PLCG2: variants seen among roughly 807,000 people sequenced by gnomAD.
PLCG2 encodes the protein phospholipase C gamma 2.
Under a neutral mutation model 175.6 loss-of-function variants are expected in PLCG2, and 69 were observed. That is an observed-to-expected ratio of 0.39 (90% CI 0.32 to 0.48). PLCG2 has a LOEUF of 0.48. Ranked by LOEUF, PLCG2 falls within the 20% of genes least tolerant of loss-of-function variation. The pLI is 0.91. For missense variants in PLCG2, 1,798 were observed against 1,650.9 expected, an observed-to-expected ratio of 1.09 and a Z score of -1.54; for synonymous variants, 827 against 624.0, an observed-to-expected ratio of 1.33 and a Z score of -4.85.
chr16:81,754,547 T>C (rs552009686), intron 1 of PLCG2, among the ~76,000 whole-genome samples: 1 of 144,268 alleles, frequency 6.9e-6, no homozygotes, highest in African/African-American at 2.6e-5. Flanking sequence ...AGCTGGGTGG[T>C]GATCCACTTG....
chr16:81,909,795 C>G (rs1909537470), intron 17 of PLCG2, among the ~76,000 whole-genome samples: 1 of 152,130 alleles, frequency 6.6e-6, no homozygotes, highest in Admixed American at 6.5e-5. Flanking sequence ...ATTCGAGACA[C>G]CTTGTGTGTG....
chr16:81,779,918 T>C lies in PLCG2; in HGVS notation c.-48+494T>C, dbSNP rs544746011. 2.0e-5 allele frequency among the ~76,000 whole-genome samples: 3 copies of C among 152,342 alleles called. No homozygotes were observed. The South Asian group carries it at 6.2e-4, about 32-fold the overall frequency. Reference sequence around the variant, plus strand: ...TCCTTCCCGGAGACTTTTGGAGAGCTTGCAGGACACTCGCGATGCCCGCTC... The same window carrying C: ...TCCTTCCCGGAGACTTTTGGAGAGCCTGCAGGACACTCGCGATGCCCGCTC... On this transcript the variant is annotated intron_variant, in intron 1 of 32. Transcript: ENST00000564138.
chr16:81,934,593 C>G (rs1312794355), intron 26 of PLCG2, 62 bp downstream of exon 26: 6 of 988,276 alleles, frequency 6.1e-6, no homozygotes, highest in African/African-American at 1.6e-5. Context: ...CCTTTAGAGT[C>G]TGATATTTTC....
At chr16:81,920,842 C>T (rs1013631652) in intron 20 of PLCG2, among the ~76,000 whole-genome samples, 2 of 152,132 alleles carry the variant, frequency 1.3e-5, no homozygotes, top group African/African-American at 4.8e-5. Flanking sequence ...GATGTGCTGT[C>T]GTTGAACCTG....
chr16:81,740,991 A>G (rs1909581411), intron 1 of PLCG2, among the ~76,000 whole-genome samples: 1 of 152,154 alleles, frequency 6.6e-6, no homozygotes, highest in Admixed American at 6.5e-5. Context: ...GTTTGAATAG[A>G]GTTCTAATCC....
intron 2 of PLCG2, among the ~76,000 whole-genome samples, chr16:81,763,939 C>G (rs1910091552): frequency 6.6e-6 from 1 of 151,986 alleles, no homozygotes; most frequent in South Asian, 2.1e-4. Context: ...TGCACTCCAG[C>G]CTGGGCGACA....
chr16:81,867,578 C>T (rs764522254), intron 5 of PLCG2, among the ~76,000 whole-genome samples: 1 of 151,880 alleles, frequency 6.6e-6, no homozygotes, highest in Non-Finnish European at 1.5e-5. Flanking sequence ...GCATATAAGG[C>T]ACCACCTAGA....
rs1014583008 is a variant in PLCG2, at chr16:81,928,493, G to A, written c.2515-65G>A. 3.9e-6 allele frequency: 4 copies of A among 1,035,220 alleles called. No homozygotes were observed. The East Asian group carries it at 9.5e-5, about 25-fold the overall frequency. The allele number at this position is 1,035,220 out of a possible 1,614,324, so 64.1% of individuals were successfully genotyped here. On this transcript the variant is annotated intron_variant, in intron 23 of 32. Coordinates refer to ENST00000564138, the MANE Select transcript of PLCG2 (RefSeq NM_002661.5). ...TATCTCTGCTAAACGGTGTGCTTTGGAAACGGGTTTTCTTTTTATTATTCC... is the reference window on the plus strand; with the variant it reads ...TATCTCTGCTAAACGGTGTGCTTTGAAAACGGGTTTTCTTTTTATTATTCC...
intron 2 of PLCG2, among the ~76,000 whole-genome samples, chr16:81,829,637 CCTT>C (rs2143377263): frequency 6.6e-6 from 1 of 152,354 alleles, no homozygotes; most frequent in African/African-American, 2.4e-5. Flanking sequence ...CGTATGTTCT[CCTT>C]CTGTTCCAGG....
intron 23 of PLCG2, among the ~76,000 whole-genome samples, chr16:81,928,183 C>G (rs115293846): frequency 0.02 from 3,079 of 152,146 alleles, 103 homozygotes; most frequent in African/African-American, 0.071. Context: ...ACATGGGGAG[C>G]CACAGAAGGT....
chr16:81,765,435 A>G (rs887463575), intron 2 of PLCG2, among the ~76,000 whole-genome samples: 2 of 152,262 alleles, frequency 1.3e-5, no homozygotes, highest in African/African-American at 4.8e-5. Context: ...GTTCAAGACC[A>G]GCCTGGGCTA....
In PLCG2 at chr16:81,884,990, C is replaced by G. The variant is rs181978879; in HGVS notation, c.765+1649C>G. On this transcript the variant is annotated intron_variant, in intron 9 of 32. Coordinates refer to ENST00000564138, the MANE Select transcript of PLCG2 (RefSeq NM_002661.5). Reference sequence around the variant, plus strand: ...GCAGCCTCGACCTCCTGGGCTCAACCGATCCTCCTGCCTCAGCCTCCCGAA... The same window carrying G: ...GCAGCCTCGACCTCCTGGGCTCAACGGATCCTCCTGCCTCAGCCTCCCGAA... Among the ~76,000 whole-genome samples, 350 of 151,956 alleles carry G rather than the reference C, an allele frequency of 2.3e-3. 2 individuals carry two copies. The highest frequency in any genetic ancestry group is 7.9e-3 in the African/African-American group (326 of 41,420).
Position 81,891,521 on chromosome 16 carries a change from A to G in PLCG2, c.917A>G (p.Tyr306Cys). ...SRENSIWDEKYDAVDMQDMNN... is the reference protein window; with the variant it reads ...SRENSIWDEKCDAVDMQDMNN... ...GAAAACAGCATCTGGGATGAGAAGT[A>G]TGACGCGGTGGACATGCAGGACATG... The change falls in exon 11 of 33, where the codon TAT (tyrosine) becomes TGT (cysteine). Residue 306 changes from tyrosine to cysteine, a missense_variant. Physicochemically the swap from Tyr to Cys is radical, Grantham distance 194. Transcript: ENST00000564138. 6.2e-7 allele frequency: 1 copy of G among 1,612,678 alleles called. No homozygotes were observed. Among genetic ancestry groups the G allele is most frequent in the South Asian group, 1.1e-5 (1 of 91,064 alleles).
At chr16:81,893,657 C>T in intron 11 of PLCG2, 52 bp from the exon 12 acceptor site, 1 of 1,132,468 alleles carries the variant, frequency 8.8e-7, no homozygotes, top group Non-Finnish European at 1.3e-6. Flanking sequence ...GGCTTGCCCC[C>T]CAACCCCTGT....
At chr16:81,838,058 A>C (rs967592913) in intron 2 of PLCG2, among the ~76,000 whole-genome samples, 1 of 150,794 alleles carries the variant, frequency 6.6e-6, no homozygotes, top group African/African-American at 2.4e-5. Flanking sequence ...AAATTTTAAC[A>C]TGTCTGTCTT....
chr16:81,861,470 G>T (rs965023441), intron 5 of PLCG2, among the ~76,000 whole-genome samples: 1 of 152,206 alleles, frequency 6.6e-6, no homozygotes, highest in African/African-American at 2.4e-5. Context: ...GTCTAGTAAT[G>T]TTAGGTCAGC....
At chr16:81,907,523 C>A (rs968496383) in intron 15 of PLCG2, among the ~76,000 whole-genome samples, 162 bp from the exon 16 acceptor site, 7 of 152,160 alleles carry the variant, frequency 4.6e-5, no homozygotes, top group Non-Finnish European at 1.0e-4. Flanking sequence ...AAAAGAAATG[C>A]CTTGTAAGGA....
chr16:81,810,308 G>A (rs944422098), intron 2 of PLCG2, among the ~76,000 whole-genome samples: 3 of 152,180 alleles, frequency 2.0e-5, no homozygotes, highest in Non-Finnish European at 4.4e-5. Context: ...TATCCCAGAC[G>A]ACTCTAGTCT....
Position 81,854,247 on chromosome 16 carries a change from G to A in PLCG2, c.194-197G>A, listed in dbSNP as rs73592931. Among the ~76,000 whole-genome samples, 848 of 152,320 alleles carry A rather than the reference G, an allele frequency of 5.6e-3. 11 individuals carry two copies. The highest frequency in any genetic ancestry group is 0.019 in the African/African-American group (808 of 41,574). On this transcript the variant is annotated intron_variant, in intron 2 of 32. Transcript: ENST00000564138. ...GACTCCAGGGGTTTGTGGGGTGGCAGCAAATGCCCGGGTAGGGTCTTAGCC... is the reference window on the plus strand; with the variant it reads ...GACTCCAGGGGTTTGTGGGGTGGCAACAAATGCCCGGGTAGGGTCTTAGCC...
Sources: allele counts gnomAD v4.1 joint callset (sites outside exome capture counted in the v4.1 genomes callset), GRCh38; gene constraint gnomAD v4.1.1; transcripts MANE v1.5; gene names NCBI Gene and HGNC (gene_info 2026-07-23, HGNC 2026-07-21).